The following NPM3 variants were observed in gnomAD, a reference collection of about 807,000 sequenced individuals.
The protein encoded by NPM3 is nucleoplasmin-3.
NPM3 carries 12 observed loss-of-function variants against 18.1 expected under a neutral mutation model. The ratio of observed to expected loss-of-function variants is 0.66; its 90% CI spans 0.42 to 1.07. NPM3 has a LOEUF of 1.07. NPM3 is among the 50% of genes least tolerant of loss of function. NPM3 has a pLI of 0.00. For missense variants in NPM3, 274 were observed against 232.1 expected (o/e 1.18, Z -1.17); for synonymous variants, 116 against 93.7 (o/e 1.24, Z -1.38).
At chr10:101,782,857 G>A in exon 2 of NPM3, 1 of 1,614,150 alleles carries the variant, frequency 6.2e-7, no homozygotes, top group Non-Finnish European at 8.5e-7. Flanking sequence ...GTGCCAGCAC[G>A]TGCTCCGCAT....
intron 1 of NPM3, 95 bp downstream of exon 1, chr10:101,783,178 C>T: frequency 9.9e-7 from 1 of 1,013,014 alleles, no homozygotes; most frequent in Non-Finnish European, 1.5e-6. Flanking sequence ...CAGCCCTCCG[C>T]CCACACCCAC....
intron 2 of NPM3, 63 bp from the exon 3 acceptor site, chr10:101,782,660 C>T: frequency 6.2e-7 from 1 of 1,608,818 alleles, no homozygotes; most frequent in Non-Finnish European, 8.5e-7. Flanking sequence ...CAACTAAAGG[C>T]ATCTACCCTA....
chr10:101,782,433 TCAC>T (rs561586403), intron 3 of NPM3, 42 bp downstream of exon 3: 122 of 1,599,176 alleles, frequency 7.6e-5, no homozygotes, highest in Admixed American at 2.3e-4. Flanking sequence ...CTCAATCCCC[TCAC>T]CACCACCACC....
At chr10:101,781,915 T>C (rs1589817365) in intron 4 of NPM3, 61 bp from the exon 5 acceptor site, 1 of 1,613,806 alleles carries the variant, frequency 6.2e-7, no homozygotes, top group East Asian at 2.2e-5. Context: ...TCACACCGCA[T>C]GCCATTTCTT....
chr10:101,783,222 C>A, intron 1 of NPM3, 51 bp downstream of exon 1: 1 of 1,350,632 alleles, frequency 7.4e-7, no homozygotes, highest in South Asian at 1.3e-5. Flanking sequence ...GCCTCACATC[C>A]CTACCTCTTA....
At position 101,782,473 on chromosome 10, in the gene NPM3, C is replaced by T. The variant is rs774807313; in HGVS notation, c.324+5G>A. ...CCACCACCAAGGCAGAGCTGGGGAA[C>T]TCACCATGGGTTGGCAGGACAGCTT... is the stretch of plus-strand genomic sequence containing the variant. On this transcript the variant is annotated splice_donor_5th_base_variant and intron_variant, in intron 3 of 5. Coordinates refer to ENST00000370110, the Ensembl canonical transcript of NPM3. 6.2e-7 allele frequency: 1 copy of T among 1,610,126 alleles called. No individual in the cohort carries two copies. The highest frequency in any genetic ancestry group is 1.1e-5 in the South Asian group (1 of 90,598).
At chr10:101,783,077 C>T (rs2065155404) in intron 1 of NPM3, among the ~76,000 whole-genome samples, 153 bp from the exon 2 acceptor site, 1 of 152,210 alleles carries the variant, frequency 6.6e-6, no homozygotes, top group African/African-American at 2.4e-5. Context: ...GACGCTCTGC[C>T]GTGGGCCCCG....
intron 4 of NPM3, 132 bp downstream of exon 4, chr10:101,782,126 C>T (rs1441623241): frequency 4.4e-6 from 4 of 915,438 alleles, no homozygotes; most frequent in East Asian, 2.6e-5. Context: ...CAGGGCACAG[C>T]GTGGAGGGCA....
chr10:101,781,664 G>A, intron 5 of NPM3, 32 bp from the exon 6 acceptor site: 3 of 1,555,322 alleles, frequency 1.9e-6, no homozygotes, highest in Non-Finnish European at 2.6e-6. Context: ...TCAGCATTTA[G>A]GCCCTCACCT....
exon 1 of NPM3, chr10:101,783,318 C>T: frequency 1.2e-6 from 2 of 1,612,876 alleles, no homozygotes; most frequent in Non-Finnish European, 1.7e-6. Flanking sequence ...ACCCGTAGGC[C>T]CCCGACACCC....
chr10:101,782,912 G>C (rs2065153983), exon 2 of NPM3: 2 of 1,613,906 alleles, frequency 1.2e-6, no homozygotes, highest in African/African-American at 1.3e-5. Context: ...GGTGTGGCCG[G>C]AGAGCTCACA....
At chr10:101,782,190 G>C in intron 4 of NPM3, 68 bp downstream of exon 4, 1 of 1,364,450 alleles carries the variant, frequency 7.3e-7, no homozygotes, top group Non-Finnish European at 1.0e-6. Context: ...GGGCAGGAGT[G>C]CGGAGTGGGG....
rs773894799 is a variant in NPM3, at chr10:101,782,635, T to A, written c.205-38A>T. 4.3e-6 allele frequency: 7 copies of A among 1,612,020 alleles called. No homozygotes were observed. In the South Asian group the frequency reaches 7.7e-5, roughly 18 times the overall value. ...CACAGGGCCTCAGGGTCTCCTCAAG[T>A]GAGGGTTGACACCACAACTAAAGGC... On this transcript the variant is annotated intron_variant, in intron 2 of 5. Transcript: ENST00000370110.
Position 101,782,472 on chromosome 10 carries a change from A to G in NPM3, c.324+6T>C. The G allele has an allele frequency of 6.2e-7, 1 of 1,609,838 alleles. No homozygotes were observed. Among genetic ancestry groups the G allele is most frequent in the Non-Finnish European group, 8.5e-7 (1 of 1,177,884 alleles). On this transcript the variant is annotated splice_donor_region_variant and intron_variant, in intron 3 of 5. Transcript: ENST00000370110. ...ACCACCACCAAGGCAGAGCTGGGGA[A>G]CTCACCATGGGTTGGCAGGACAGCT...
At position 101,782,771 on chromosome 10, in the gene NPM3, A is replaced by C. The variant is rs1211691038; in HGVS notation, c.204+68T>G. The C allele has an allele frequency of 1.1e-5, 17 of 1,582,622 alleles. No individual in the cohort carries two copies. In the East Asian group the frequency reaches 3.8e-4, roughly 36 times the overall value. ...GTGTCTCCAAGTAAAGGGGATCCGGAGGTTGGGTAGAGACCTATATTGCCT... is the reference window on the plus strand; with the variant it reads ...GTGTCTCCAAGTAAAGGGGATCCGGCGGTTGGGTAGAGACCTATATTGCCT... On this transcript the variant is annotated intron_variant, in intron 2 of 5. Transcript: ENST00000370110.
At chr10:101,783,217 A>C in intron 1 of NPM3, 56 bp downstream of exon 1, 1 of 1,302,550 alleles carries the variant, frequency 7.7e-7, no homozygotes, top group South Asian at 1.3e-5. Flanking sequence ...TTCCCGCCTC[A>C]CATCCCTACC....
exon 3 of NPM3, chr10:101,782,568 C>T: frequency 6.2e-7 from 1 of 1,614,074 alleles, no homozygotes; most frequent in East Asian, 2.2e-5. Flanking sequence ...CCACATTACA[C>T]TCGTCTTTGG....
At chr10:101,782,236 G>A in intron 4 of NPM3, 22 bp downstream of exon 4, 2 of 1,602,096 alleles carry the variant, frequency 1.2e-6, no homozygotes, top group Non-Finnish European at 1.7e-6. Flanking sequence ...AAGCAAAGGA[G>A]AGGGCCCTCC....
chr10:101,782,359 GAAGAC>G lies in NPM3; in HGVS notation c.325-13_325-9del. The G allele has an allele frequency of 6.2e-7, 1 of 1,613,356 alleles. No individual in the cohort carries two copies. Among genetic ancestry groups the G allele is most frequent in the Non-Finnish European group, 8.5e-7 (1 of 1,179,658 alleles). ...GAAGTCATCCAGACTGAGCTGGGAGGAAGACAAGGATGAAGGCCTGGCCCACTCCT... is the reference window on the plus strand; with the variant it reads ...GAAGTCATCCAGACTGAGCTGGGAGGAAGGATGAAGGCCTGGCCCACTCCT... On this transcript the variant is annotated splice_polypyrimidine_tract_variant and intron_variant, in intron 3 of 5. Transcript: ENST00000370110.
Sources: allele counts gnomAD v4.1 joint callset (sites outside exome capture counted in the v4.1 genomes callset), GRCh38; gene constraint gnomAD v4.1.1; transcripts MANE v1.5; gene names NCBI Gene and HGNC (gene_info 2026-07-23, HGNC 2026-07-21).